The following ZBTB7C variants were observed in gnomAD, a reference collection of about 807,000 sequenced individuals.
ZBTB7C encodes the protein zinc finger and BTB domain-containing protein 7C.
In ZBTB7C, 8 loss-of-function variants were observed where a neutral mutation model predicts 25.7. That is an observed-to-expected ratio of 0.31 (90% CI 0.18 to 0.56). ZBTB7C has a LOEUF of 0.56. Ranked by LOEUF, ZBTB7C falls within the 20% of genes least tolerant of loss-of-function variation. The pLI is 0.91. For synonymous variants in ZBTB7C, 394 were observed against 369.0 expected (o/e 1.07, Z -0.78); for missense variants, 824 against 855.2 (o/e 0.96, Z 0.46).
chr18:48,207,636 TAGAGACTGGATTTCC>T (rs543323727), intron 2 of ZBTB7C, among the ~76,000 whole-genome samples: 11,662 of 144,526 alleles, frequency 0.081, 599 homozygotes, highest in Non-Finnish European at 0.12. Context: ...ATATATTCTA[TAGAGACTGGATTTCC>T]CTATGTTGCC....
intron 3 of ZBTB7C, among the ~76,000 whole-genome samples, chr18:48,043,218 C>G (rs1020032230): frequency 6.6e-6 from 1 of 152,152 alleles, no homozygotes; most frequent in African/African-American, 2.4e-5. Context: ...CCATATGACC[C>G]AGCAATTGAA....
rs796293440 is a variant in ZBTB7C at position 48,033,133 on chromosome 18, C to T, written c.1209-3222G>A. On this transcript the variant is annotated intron_variant, in intron 4 of 4. Transcript: ENST00000590800. ...TCTCTGTGCAGAGCTAAACCTAGGACCAGACATCACTTCCCATTGTCCAGG... is the reference window on the plus strand; with the variant it reads ...TCTCTGTGCAGAGCTAAACCTAGGATCAGACATCACTTCCCATTGTCCAGG... Among the ~76,000 whole-genome samples, 56 of 152,298 alleles carry T rather than the reference C, an allele frequency of 3.7e-4. 1 individual carries two copies. The highest frequency in any genetic ancestry group is 1.3e-3 in the African/African-American group (54 of 41,562).
intron 2 of ZBTB7C, among the ~76,000 whole-genome samples, 185 bp from the exon 3 acceptor site, chr18:48,186,180 C>T (rs918451193): frequency 6.6e-6 from 1 of 152,198 alleles, no homozygotes; most frequent in Non-Finnish European, 1.5e-5. Flanking sequence ...AGGATTCCAC[C>T]CCTCCAGGCC....
intron 3 of ZBTB7C, among the ~76,000 whole-genome samples, chr18:48,087,080 G>A (rs2038218743): frequency 6.6e-6 from 1 of 152,172 alleles, no homozygotes; most frequent in Non-Finnish European, 1.5e-5. Context: ...ATCTGCCCAG[G>A]ATTGTGCACA....
At chr18:48,384,164 T>C (rs1352899099) in intron 1 of ZBTB7C, among the ~76,000 whole-genome samples, 1 of 152,164 alleles carries the variant, frequency 6.6e-6, no homozygotes, top group African/African-American at 2.4e-5. Context: ...GGAAATAAGA[T>C]ACAAGGCTTG....
chr18:48,031,126 C>G (rs532058921), intron 4 of ZBTB7C, among the ~76,000 whole-genome samples: 20 of 152,290 alleles, frequency 1.3e-4, no homozygotes, highest in South Asian at 1.2e-3. Flanking sequence ...GATTTAAACC[C>G]TGTTTAACGT....
At chr18:48,282,877 G>A (rs1318942601) in intron 2 of ZBTB7C, among the ~76,000 whole-genome samples, 1 of 152,216 alleles carries the variant, frequency 6.6e-6, no homozygotes, top group Non-Finnish European at 1.5e-5. Context: ...AATGGGGCCT[G>A]AGGATGGCTT....
At chr18:48,122,980 A>T (rs1486472422) in intron 3 of ZBTB7C, among the ~76,000 whole-genome samples, 1 of 152,108 alleles carries the variant, frequency 6.6e-6, no homozygotes, top group Admixed American at 6.5e-5. Context: ...GCAGGAGGGG[A>T]TGCGGATCTA....
At chr18:48,238,376 C>G (rs1006881368) in intron 2 of ZBTB7C, among the ~76,000 whole-genome samples, 3 of 152,154 alleles carry the variant, frequency 2.0e-5, no homozygotes, top group African/African-American at 7.2e-5. Context: ...AGGAACATAC[C>G]AGGAAAACCA....
chr18:48,318,427 C>A (rs901088841), intron 2 of ZBTB7C, among the ~76,000 whole-genome samples: 7 of 152,044 alleles, frequency 4.6e-5, no homozygotes, highest in African/African-American at 1.7e-4. Flanking sequence ...TTCTGCCTTC[C>A]CGGCTGGTCA....
upstream of ZBTB7C, among the ~76,000 whole-genome samples, chr18:48,409,975 GGGGCAGC>G (rs1323754864): frequency 8.5e-5 from 10 of 117,648 alleles, no homozygotes; most frequent in African/African-American, 5.3e-4. Context: ...CACCCGACCC[GGGGCAGC>G]GGTGCGGCAG....
chr18:48,118,001 C>CTTTTTTTTTTTTTTTTT (rs11358230), intron 3 of ZBTB7C, among the ~76,000 whole-genome samples: 1 of 128,516 alleles, frequency 7.8e-6, no homozygotes, highest in Non-Finnish European at 1.7e-5. Context: ...TCTTCTTCTT[C>CTTTTTTTTTTTTTTTTT]TTTTTTTTTT....
At chr18:48,080,118 A>G (rs2037925545) in intron 3 of ZBTB7C, among the ~76,000 whole-genome samples, 2 of 152,220 alleles carry the variant, frequency 1.3e-5, no homozygotes, top group Non-Finnish European at 2.9e-5. Context: ...CCATCAGCTG[A>G]AGGATGACAG....
At chr18:48,173,828 G>A (rs2041579089) in intron 3 of ZBTB7C, among the ~76,000 whole-genome samples, 1 of 152,212 alleles carries the variant, frequency 6.6e-6, no homozygotes. Flanking sequence ...TCACTGGACT[G>A]TGTCACGGGG....
At chr18:48,054,921 T>C (rs988848420) in intron 3 of ZBTB7C, among the ~76,000 whole-genome samples, 4 of 152,170 alleles carry the variant, frequency 2.6e-5, no homozygotes, top group African/African-American at 9.7e-5. Flanking sequence ...GGAAACTCAT[T>C]TGTCCCCTTT....
Position 48,094,280 on chromosome 18 carries a change from C to A in ZBTB7C, c.-16-53157G>T, listed in dbSNP as rs534710915. Among the ~76,000 whole-genome samples the A allele has an allele frequency of 3.3e-5, 5 of 152,232 alleles. No individual in the cohort carries two copies. The East Asian group carries it at 9.7e-4, about 29-fold the overall frequency. On this transcript the variant is annotated intron_variant, in intron 3 of 4. Coordinates refer to ENST00000590800, the MANE Select transcript of ZBTB7C (RefSeq NM_001318841.2). The stretch of plus-strand genomic sequence containing the variant: ...TCTTCTCCGGGTTTTAGCTCATGTG[C>A]AACTATTTCAGTGACTACCCAAGAT...
At chr18:48,176,940 C>T (rs954276405) in intron 3 of ZBTB7C, among the ~76,000 whole-genome samples, 1 of 152,240 alleles carries the variant, frequency 6.6e-6, no homozygotes, top group African/African-American at 2.4e-5. Flanking sequence ...CACTTGACCT[C>T]TCGCGTCTCT....
chr18:48,187,310 G>A (rs143276218), intron 2 of ZBTB7C, among the ~76,000 whole-genome samples: 30 of 152,334 alleles, frequency 2.0e-4, no homozygotes, highest in East Asian at 5.8e-4. Flanking sequence ...GAAGTCAAAC[G>A]TCTATTGGGA....
intron 1 of ZBTB7C, among the ~76,000 whole-genome samples, chr18:48,403,027 C>T (rs2048196678): frequency 6.6e-6 from 1 of 152,146 alleles, no homozygotes; most frequent in Non-Finnish European, 1.5e-5. Flanking sequence ...TGAGTGTGCC[C>T]CTGGCCCCAA....
Sources: allele counts gnomAD v4.1 joint callset (sites outside exome capture counted in the v4.1 genomes callset), GRCh38; gene constraint gnomAD v4.1.1; transcripts MANE v1.5; gene names NCBI Gene and HGNC (gene_info 2026-07-23, HGNC 2026-07-21).